The following IFNA14 variants were observed in gnomAD, a reference collection of about 807,000 sequenced individuals.
IFNA14 encodes interferon alpha-14.
For synonymous variants in IFNA14, 113 were observed against 76.8 expected (o/e 1.47, Z -2.46); for missense variants, 337 against 214.9 (o/e 1.57, Z -3.55).
Position 21,239,771 on chromosome 9 carries a change from G to A in IFNA14, c.165C>T (p.Asp55=). ...CCTGGGGAAATTCAAAGTCATGTCT[G>A]TCCTTCAGGCAGGAGAAAGGAGAGA... The part of the protein sequence containing the change: ...RRISPFSCLK[D]RHDFEFPQEE... Residue 55 remains aspartate, a synonymous_variant, in exon 1 of 1, where the codon GAC becomes GAT. Transcript: ENST00000380222. 1 of 1,614,132 alleles carries A rather than the reference G, an allele frequency of 6.2e-7. No homozygotes were observed. Among genetic ancestry groups the A allele is most frequent in the Non-Finnish European group, 8.5e-7 (1 of 1,180,022 alleles).
rs754584047 is a variant in IFNA14 at position 21,239,899 on chromosome 9, C to T, written c.37G>A (p.Val13Met). The T allele has an allele frequency of 7.4e-6, 12 of 1,614,064 alleles. No individual in the cohort carries two copies. Among genetic ancestry groups the T allele is most frequent in the Admixed American group, 3.3e-5 (2 of 60,010 alleles). Reference sequence around the variant, plus strand: ...GAGCAGCTTGACTTGCAGCTGAGCACCACCAGGGCCATCATTAAAGCAAAG... The same window carrying T: ...GAGCAGCTTGACTTGCAGCTGAGCATCACCAGGGCCATCATTAAAGCAAAG... The part of the protein sequence containing the change: ...LPFALMMALV[V>M]LSCKSSCSLG... The change falls in exon 1 of 1, where the codon GTG becomes ATG. Residue 13 changes from valine (V) to methionine (M), a missense_variant. Transcript: ENST00000380222.
Position 21,239,916 on chromosome 9 carries a change from A to G in IFNA14, c.20T>C (p.Leu7Ser). Residue 7 changes from leucine (L) to serine (S), a missense_variant, in exon 1 of 1, where the codon TTA becomes TCA. Leu to Ser is a moderately radical substitution (Grantham distance 145). Coordinates refer to ENST00000380222, the MANE Select transcript of IFNA14 (RefSeq NM_002172.3). ...GCTGAGCACCACCAGGGCCATCATT[A>G]AAGCAAAGGGCAATGCCATTGGGAA... Reference protein sequence around the residue: MALPFALMMALVVLSCK... With the variant: MALPFASMMALVVLSCK... 3.1e-6 allele frequency: 5 copies of G among 1,614,098 alleles called. 1 individual carries two copies. The Middle Eastern group carries it at 8.3e-4, about 266-fold the overall frequency.
In IFNA14 at chr9:21,239,880, C is replaced by G. The variant is rs960958938; in HGVS notation, c.56G>C (p.Ser19Thr). The G allele has an allele frequency of 1.9e-6, 3 of 1,614,124 alleles. No individual in the cohort carries two copies. The highest frequency in any genetic ancestry group is 1.6e-4 in the Middle Eastern group (1 of 6,062). ...AGACAGATTACAGCCCAGAGAGCAG[C>G]TTGACTTGCAGCTGAGCACCACCAG... ...MALVVLSCKS[S>T]CSLGCNLSQT... is the part of the protein sequence containing the mutation. The change falls in exon 1 of 1, where the codon AGC (serine) becomes ACC (threonine). Residue 19 changes from serine to threonine, a missense_variant. Coordinates refer to ENST00000380222, the MANE Select transcript of IFNA14 (RefSeq NM_002172.3).
rs532886223 is a variant in IFNA14 at position 21,239,127 on chromosome 9, T to C, written c.*239A>G. The stretch of plus-strand genomic sequence containing the variant: ...TAAAAAATAATTTAAATAATAAAAA[T>C]AGTTAAATAAATAAATATTTAAATA... On this transcript the variant is annotated 3_prime_UTR_variant, in exon 1 of 1. Transcript: ENST00000380222. The C allele has an allele frequency of 3.4e-4, 82 of 241,842 alleles. No homozygotes were observed. The highest frequency in any genetic ancestry group is 1.5e-3 in the African/African-American group (65 of 43,842). 15.0% of individuals were successfully genotyped at this position (241,842 alleles called of 1,614,324 possible).
At position 21,239,832 on chromosome 9, in the gene IFNA14, C is replaced by A. The variant is rs149155133; in HGVS notation, c.104G>T (p.Arg35Met). Reference sequence around the variant, plus strand: ...TTGTGCCATGAGCATCAAAGTCCTCCTGTTATTCAGGCTGTGGGTTTGAGA... The same window carrying A: ...TTGTGCCATGAGCATCAAAGTCCTCATGTTATTCAGGCTGTGGGTTTGAGA... The part of the protein sequence containing the change: ...NLSQTHSLNN[R>M]RTLMLMAQMR... Residue 35 changes from arginine (R) to methionine (M), a missense_variant, in exon 1 of 1, where the codon AGG (arginine) becomes ATG (methionine). Physicochemically the swap from Arg to Met is moderately conservative, Grantham distance 91. Coordinates refer to ENST00000380222, the MANE Select transcript of IFNA14 (RefSeq NM_002172.3). 2 of 1,614,120 alleles carry A rather than the reference C, an allele frequency of 1.2e-6. No individual in the cohort carries two copies. Among genetic ancestry groups the A allele is most frequent in the Non-Finnish European group, 1.7e-6 (2 of 1,180,012 alleles).
Position 21,239,184 on chromosome 9 carries a change from C to G in IFNA14, c.*182G>C. The G allele has an allele frequency of 2.7e-6, 2 of 752,860 alleles. No homozygotes were observed. The highest frequency in any genetic ancestry group is 5.6e-5 in the South Asian group (2 of 35,484). The allele number at this position is 752,860 out of a possible 1,614,324, so 46.6% of individuals were successfully genotyped here. On this transcript the variant is annotated 3_prime_UTR_variant, in exon 1 of 1. Transcript: ENST00000380222. Reference sequence around the variant, plus strand: ...TGAAAGGAGACATCAGCATGGTCATCTGTAAAGGACTAGTGCCTGCACAGG... The same window carrying G: ...TGAAAGGAGACATCAGCATGGTCATGTGTAAAGGACTAGTGCCTGCACAGG...
rs1446690914 is a variant in IFNA14, at chr9:21,239,275, TAGG to T, written c.*88_*90del. The T allele has an allele frequency of 7.6e-6, 12 of 1,584,354 alleles. No individual in the cohort carries two copies. The African/African-American group carries it at 8.2e-5, about 11-fold the overall frequency. On this transcript the variant is annotated 3_prime_UTR_variant, in exon 1 of 1. Transcript: ENST00000380222. Reference sequence around the variant, plus strand: ...ATTTTGATTCAACTTGTGGTGGTTATAGGAGAAGTGAGTCTTTGAAATGGAAGA... The same window carrying T: ...ATTTTGATTCAACTTGTGGTGGTTATAGAAGTGAGTCTTTGAAATGGAAGA...
chr9:21,239,114 T>C lies in IFNA14; in HGVS notation c.*252A>G. 1 of 204,378 alleles carries C rather than the reference T, an allele frequency of 4.9e-6. No homozygotes were observed. Among genetic ancestry groups the C allele is most frequent in the Non-Finnish European group, 9.4e-6 (1 of 105,852 alleles). The allele number at this position is 204,378 out of a possible 1,614,324, so 12.7% of individuals were successfully genotyped here. A position where few individuals can be genotyped will look rare whatever the true frequency, so the allele number is the denominator to read the frequency against. On this transcript the variant is annotated 3_prime_UTR_variant, in exon 1 of 1. Transcript: ENST00000380222. ...ACATGATATTACATAAAAAATAATT[T>C]AAATAATAAAAATAGTTAAATAAAT... is the stretch of plus-strand genomic sequence containing the variant.
rs775290212 is a variant in IFNA14, at chr9:21,239,503, T to C, written c.433A>G (p.Lys145Glu). The change falls in exon 1 of 1, where the codon AAA (lysine) becomes GAA (glutamate). Residue 145 changes from lysine to glutamate, a missense_variant. Transcript: ENST00000380222. The part of the protein sequence containing the change: ...MNEDSILAVK[K>E]YFQRITLYLM... ...TAAAGAGTGATTCTTTGGAAGTATT[T>C]CTTCACAGCCAGGATGGAGTCCTCA... 2.5e-6 allele frequency: 4 copies of C among 1,614,160 alleles called. No individual in the cohort carries two copies. In the South Asian group the frequency reaches 4.4e-5, roughly 18 times the overall value.
In IFNA14 at chr9:21,239,520, G is replaced by A. The variant is rs370576305; in HGVS notation, c.416C>T (p.Ser139Phe). 1.1e-5 allele frequency: 17 copies of A among 1,614,094 alleles called. No homozygotes were observed. The highest frequency in any genetic ancestry group is 3.3e-5 in the Admixed American group (2 of 60,000). The change falls in exon 1 of 1, where the codon TCC becomes TTC. Residue 139 changes from serine to phenylalanine, a missense_variant. Ser to Phe is a radical substitution (Grantham distance 155). Coordinates refer to ENST00000380222, the MANE Select transcript of IFNA14 (RefSeq NM_002172.3). Reference protein sequence around the residue: ...VEETPLMNEDSILAVKKYFQR... With the variant: ...VEETPLMNEDFILAVKKYFQR... ...GAAGTATTTCTTCACAGCCAGGATG[G>A]AGTCCTCATTCATCAGGGGAGTCTC... is the stretch of plus-strand genomic sequence containing the variant.
At position 21,239,482 on chromosome 9, in the gene IFNA14, G is replaced by C; in HGVS notation, c.454C>G (p.Leu152Val). 1 of 1,614,138 alleles carries C rather than the reference G, an allele frequency of 6.2e-7. No individual in the cohort carries two copies. Among genetic ancestry groups the C allele is most frequent in the Non-Finnish European group, 8.5e-7 (1 of 1,180,022 alleles). Reference sequence around the variant, plus strand: ...CTGTATTTCTTCTCCATCAGATAAAGAGTGATTCTTTGGAAGTATTTCTTC... The same window carrying C: ...CTGTATTTCTTCTCCATCAGATAAACAGTGATTCTTTGGAAGTATTTCTTC... ...AVKKYFQRIT[L>V]YLMEKKYSPC... is the part of the protein sequence containing the mutation. Residue 152 changes from leucine (L) to valine (V), a missense_variant, in exon 1 of 1, where the codon CTT becomes GTT. Leu to Val is a conservative substitution (Grantham distance 32). Transcript: ENST00000380222.
Position 21,239,205 on chromosome 9 carries a change from A to T in IFNA14, c.*161T>A, listed in dbSNP as rs549324186. ...TCATCTGTAAAGGACTAGTGCCTGC[A>T]CAGGTATACATGATGCTTCTTTACA... On this transcript the variant is annotated 3_prime_UTR_variant, in exon 1 of 1. Transcript: ENST00000380222. The T allele has an allele frequency of 4.3e-6, 5 of 1,166,260 alleles. No individual in the cohort carries two copies. In the East Asian group the frequency reaches 1.2e-4, roughly 29 times the overall value. 72.2% of individuals were successfully genotyped at this position (1,166,260 alleles called of 1,614,324 possible).
upstream of IFNA14, chr9:21,240,005 TGAA>T: frequency 7.7e-7 from 1 of 1,293,620 alleles, no homozygotes; most frequent in Non-Finnish European, 1.1e-6. Flanking sequence ...GTAGGTTTTC[TGAA>T]GACCTTGCTC....
rs141933410 is a variant in IFNA14 at position 21,239,579 on chromosome 9, C to G, written c.357G>C (p.Leu119=). The change falls in exon 1 of 1, where the codon CTG becomes CTC. Residue 119 remains leucine, a synonymous_variant. Coordinates refer to ENST00000380222, the MANE Select transcript of IFNA14 (RefSeq NM_002172.3). ...YIELFQQMND[L]EACVIQEVGV... Reference sequence around the variant, plus strand: ...CAACCTCCTGTATCACACAGGCTTCCAGGTCATTCATTTGCTGGAAAAGTT... The same window carrying G: ...CAACCTCCTGTATCACACAGGCTTCGAGGTCATTCATTTGCTGGAAAAGTT... 2 of 1,612,638 alleles carry G rather than the reference C, an allele frequency of 1.2e-6. No homozygotes were observed. Among genetic ancestry groups the G allele is most frequent in the African/African-American group, 1.3e-5 (1 of 74,892 alleles).
the IFNA14 span, chr9:21,239,560 C>A: frequency 1.2e-6 from 2 of 1,614,084 alleles, no homozygotes; most frequent in East Asian, 4.5e-5. Context: ...ACCCCAACCT[C>A]CTGTATCACA....
chr9:21,239,464 T>C lies in IFNA14; in HGVS notation c.472A>G (p.Lys158Glu). Residue 158 changes from lysine (K) to glutamate (E), a missense_variant, in exon 1 of 1, where the codon AAA (lysine) becomes GAA (glutamate). Physicochemically the swap from Lys to Glu is moderately conservative, Grantham distance 56. Coordinates refer to ENST00000380222, the MANE Select transcript of IFNA14 (RefSeq NM_002172.3). ...QRITLYLMEK[K>E]YSPCAWEVVR... The stretch of plus-strand genomic sequence containing the variant: ...ACCTCCCAGGCACAAGGGCTGTATT[T>C]CTTCTCCATCAGATAAAGAGTGATT... 6.2e-7 allele frequency: 1 copy of C among 1,614,150 alleles called. No individual in the cohort carries two copies. The highest frequency in any genetic ancestry group is 8.5e-7 in the Non-Finnish European group (1 of 1,180,022).
rs1373328868 is a variant in IFNA14, at chr9:21,239,270, G to T, written c.*96C>A. The T allele has an allele frequency of 9.5e-6, 15 of 1,580,070 alleles. No homozygotes were observed. The highest frequency in any genetic ancestry group is 5.5e-5 in the African/African-American group (4 of 72,770). On this transcript the variant is annotated 3_prime_UTR_variant, in exon 1 of 1. Coordinates refer to ENST00000380222, the MANE Select transcript of IFNA14 (RefSeq NM_002172.3). ...TGAAAATTTTGATTCAACTTGTGGT[G>T]GTTATAGGAGAAGTGAGTCTTTGAA...
chr9:21,239,939 G>T lies in IFNA14; in HGVS notation c.-4C>A, dbSNP rs762566073. 1 of 1,613,406 alleles carries T rather than the reference G, an allele frequency of 6.2e-7. No individual in the cohort carries two copies. The highest frequency in any genetic ancestry group is 8.5e-7 in the Non-Finnish European group (1 of 1,179,384). On this transcript the variant is annotated 5_prime_UTR_variant, in exon 1 of 1. Transcript: ENST00000380222. ...TTAAAGCAAAGGGCAATGCCATTGG[G>T]AATCCCGAAGATGCTGCTGGGCTGG...
rs144323784 is a variant in IFNA14 at position 21,239,684 on chromosome 9, C to G, written c.252G>C (p.Met84Ile). ...AQAISVLHEM[M>I]QQTFNLFSTK... ...TGCTGAAGAGATTGAAGGTCTGCTG[C>G]ATCATCTCATGGAGGACAGAGATGG... Residue 84 changes from methionine to isoleucine, a missense_variant, in exon 1 of 1, where the codon ATG (methionine) becomes ATC (isoleucine). Met to Ile is a conservative substitution (Grantham distance 10, BLOSUM62 1). Coordinates refer to ENST00000380222, the MANE Select transcript of IFNA14 (RefSeq NM_002172.3). 6.3e-4 allele frequency: 1,013 copies of G among 1,613,924 alleles called. 3 individuals carry two copies. Among genetic ancestry groups the G allele is most frequent in the Non-Finnish European group, 4.4e-4 (524 of 1,179,968 alleles).
Sources: allele counts gnomAD v4.1 joint callset, GRCh38; gene constraint gnomAD v4.1.1; transcripts MANE v1.5; gene names NCBI Gene and HGNC (gene_info 2026-07-23, HGNC 2026-07-21).